MACROD2: variants seen among roughly 807,000 people sequenced by gnomAD.
MACROD2 encodes the protein ADP-ribose glycohydrolase MACROD2.
Under a neutral mutation model 70.4 loss-of-function variants are expected in MACROD2, and 36 were observed. That is an observed-to-expected ratio of 0.51 (90% CI 0.39 to 0.68). MACROD2 has a LOEUF of 0.68. MACROD2 is among the 30% of genes least tolerant of loss of function. The pLI, the probability that MACROD2 is intolerant of heterozygous loss-of-function variation, is 0.00. For synonymous variants in MACROD2, 172 were observed against 178.8 expected, an observed-to-expected ratio of 0.96 and a Z score of 0.30; for missense variants, 496 against 538.4, an observed-to-expected ratio of 0.92 and a Z score of 0.78.
At chr20:15,695,975 T>G (rs200974393) in intron 8 of MACROD2, among the ~76,000 whole-genome samples, 2 of 152,144 alleles carry the variant, frequency 1.3e-5, no homozygotes, top group Non-Finnish European at 2.9e-5. Flanking sequence ...GTAAACAATC[T>G]TATCATCAGC....
chr20:14,665,200 G>C (rs1403391396), intron 4 of MACROD2, among the ~76,000 whole-genome samples: 1 of 152,090 alleles, frequency 6.6e-6, no homozygotes, highest in Non-Finnish European at 1.5e-5. Flanking sequence ...TGCCTAGGAA[G>C]TCTTTGTTAA....
chr20:14,061,126 C>T (rs1371891183), intron 2 of MACROD2, among the ~76,000 whole-genome samples: 1 of 151,998 alleles, frequency 6.6e-6, no homozygotes, highest in Non-Finnish European at 1.5e-5. Flanking sequence ...CACTGAAAAG[C>T]ATTGCTAAAT....
chr20:15,179,179 T>C (rs572443051), intron 5 of MACROD2, among the ~76,000 whole-genome samples: 1 of 152,334 alleles, frequency 6.6e-6, no homozygotes, highest in East Asian at 1.9e-4. Flanking sequence ...GGAAATATTT[T>C]GTATCTTGCC....
At chr20:14,485,574 A>G (rs568062156) in intron 3 of MACROD2, among the ~76,000 whole-genome samples, 151 of 151,750 alleles carry the variant, frequency 1.0e-3, no homozygotes, top group East Asian at 6.0e-3. Context: ...GGTGGCAGGC[A>G]CCTGTAGTCC....
intron 7 of MACROD2, among the ~76,000 whole-genome samples, chr20:15,498,064 C>T (rs2047320304): frequency 6.6e-6 from 1 of 152,100 alleles, no homozygotes; most frequent in Non-Finnish European, 1.5e-5. Context: ...ATGCACAATC[C>T]CAAATGTGGT....
intron 6 of MACROD2, among the ~76,000 whole-genome samples, chr20:15,245,379 G>A (rs941662054): frequency 6.6e-6 from 1 of 152,150 alleles, no homozygotes; most frequent in Non-Finnish European, 1.5e-5. Flanking sequence ...CACTCAAAAT[G>A]TATTTATGGT....
At chr20:14,390,242 A>G (rs1317391545) in intron 3 of MACROD2, among the ~76,000 whole-genome samples, 1 of 152,226 alleles carries the variant, frequency 6.6e-6, no homozygotes, top group Non-Finnish European at 1.5e-5. Flanking sequence ...CAAAGAAATC[A>G]GAGATGACAC....
chr20:15,362,895 T>C (rs1461264153), intron 6 of MACROD2, among the ~76,000 whole-genome samples: 1 of 149,460 alleles, frequency 6.7e-6, no homozygotes, highest in Non-Finnish European at 1.5e-5. Flanking sequence ...TGATATAGTG[T>C]TGATATGAGA....
chr20:14,003,291 A>G (rs976486591), intron 2 of MACROD2, among the ~76,000 whole-genome samples: 1 of 152,192 alleles, frequency 6.6e-6, no homozygotes, highest in African/African-American at 2.4e-5. Flanking sequence ...TGTGAAGAGA[A>G]CACATTGACC....
At chr20:14,327,267 T>C in intron 3 of MACROD2, 1 of 1,613,836 alleles carries the variant, frequency 6.2e-7, no homozygotes, top group Non-Finnish European at 8.5e-7. Flanking sequence ...TCAGCAAGTT[T>C]TTCAAATCTG....
At chr20:14,135,190 C>CA (rs1465974923) in intron 3 of MACROD2, among the ~76,000 whole-genome samples, 1 of 152,084 alleles carries the variant, frequency 6.6e-6, no homozygotes, top group Non-Finnish European at 1.5e-5. Context: ...TCAAACCTGA[C>CA]ACCAAAAGTA....
intron 3 of MACROD2, among the ~76,000 whole-genome samples, chr20:14,332,349 T>C (rs1279587082): frequency 2.0e-5 from 3 of 152,094 alleles, no homozygotes; most frequent in East Asian, 1.9e-4. Flanking sequence ...AAAACTAGTA[T>C]TTAAATAAAA....
chr20:15,866,186 G>C (rs886276648), intron 9 of MACROD2, among the ~76,000 whole-genome samples: 2 of 152,148 alleles, frequency 1.3e-5, no homozygotes, highest in Non-Finnish European at 2.9e-5. Flanking sequence ...AGGAGTTTCA[G>C]GCTAGCCTGG....
chr20:15,331,724 G>T (rs2146191792), intron 6 of MACROD2, among the ~76,000 whole-genome samples: 1 of 151,520 alleles, frequency 6.6e-6, no homozygotes, highest in Admixed American at 6.6e-5. Context: ...TCAAGAACTT[G>T]CTTTATGAAT....
intron 8 of MACROD2, among the ~76,000 whole-genome samples, chr20:15,861,771 G>A (rs1202661128): frequency 6.6e-6 from 1 of 152,176 alleles, no homozygotes. Context: ...CAGGTTTGGA[G>A]AGCAGGGAGG....
intron 2 of MACROD2, among the ~76,000 whole-genome samples, chr20:14,069,609 CA>C (rs896798443): frequency 4.7e-5 from 7 of 149,232 alleles, no homozygotes; most frequent in African/African-American, 1.5e-4. Flanking sequence ...AAGTTTCCAT[CA>C]GATAAAAATA....
At chr20:14,101,756 G>C (rs1006315098) in intron 3 of MACROD2, among the ~76,000 whole-genome samples, 1 of 150,982 alleles carries the variant, frequency 6.6e-6, no homozygotes, top group East Asian at 1.9e-4. Flanking sequence ...CAGGAGCTTT[G>C]TTTTGGTCTT....
At chr20:14,211,907 T>C (rs972981542) in intron 3 of MACROD2, among the ~76,000 whole-genome samples, 9 of 152,188 alleles carry the variant, frequency 5.9e-5, no homozygotes, top group African/African-American at 2.2e-4. Context: ...GTGGTTTCTC[T>C]ACACCTTAGC....
At chr20:14,267,718 A>G (rs1568529150) in intron 3 of MACROD2, among the ~76,000 whole-genome samples, 1 of 152,142 alleles carries the variant, frequency 6.6e-6, no homozygotes, top group Non-Finnish European at 1.5e-5. Context: ...ACTAGTTAAC[A>G]TGCCAACTGA....
Sources: gnomAD v4.1 joint callset for allele counts (sites outside exome capture counted in the v4.1 genomes callset) on GRCh38, gnomAD v4.1.1 for gene constraint, MANE v1.5 for transcripts, NCBI Gene and HGNC (gene_info 2026-07-23, HGNC 2026-07-21) for gene names.